TBC1D22A: variants seen among roughly 807,000 people sequenced by gnomAD.
TBC1D22A encodes putative GTPase activator.
Under a neutral mutation model 60.2 loss-of-function variants are expected in TBC1D22A, and 38 were observed. That is an observed-to-expected ratio of 0.63 (90% CI 0.49 to 0.83). The LOEUF (loss-of-function observed/expected upper bound fraction) is 0.83. TBC1D22A is among the 40% of genes least tolerant of loss of function. The pLI is 0.00. For missense variants in TBC1D22A, 628 were observed against 701.0 expected (o/e 0.90, Z 1.18); for synonymous variants, 302 against 281.7 (o/e 1.07, Z -0.72).
chr22:47,129,360 C>T (rs1168508752), intron 12 of TBC1D22A, among the ~76,000 whole-genome samples: 1 of 152,166 alleles, frequency 6.6e-6, no homozygotes, highest in Non-Finnish European at 1.5e-5. Flanking sequence ...GCCTGTAATC[C>T]CAGCTACTTG....
Position 46,974,319 on chromosome 22 carries a change from T to C in TBC1D22A, c.1045T>C (p.Ser349Pro), listed in dbSNP as rs1332640033. 1.2e-6 allele frequency: 2 copies of C among 1,603,766 alleles called. No individual in the cohort carries two copies. Residue 349 changes from serine to proline, a missense_variant, in exon 9 of 13, where the codon TCC (serine) becomes CCC (proline). Ser to Pro is a moderately conservative substitution (Grantham distance 74). Coordinates refer to ENST00000337137, the MANE Select transcript of TBC1D22A (RefSeq NM_014346.5). Reference protein sequence around the residue: ...EAEEVDTVDVSGVPAEVLCNI... With the variant: ...EAEEVDTVDVPGVPAEVLCNI... ...AGAGGAGGTGGACACGGTGGACGTC[T>C]CCGGCGTGCCCGCAGAGGTGCTGTG...
chr22:46,832,696 A>C (rs2086363258), intron 4 of TBC1D22A, among the ~76,000 whole-genome samples: 1 of 152,262 alleles, frequency 6.6e-6, no homozygotes, highest in Non-Finnish European at 1.5e-5. Context: ...TATTTTAATA[A>C]AAATATGTAA....
At chr22:46,885,654 A>G (rs1487169347) in intron 5 of TBC1D22A, among the ~76,000 whole-genome samples, 1 of 152,116 alleles carries the variant, frequency 6.6e-6, no homozygotes, top group East Asian at 1.9e-4. Flanking sequence ...TTGAAGTAGA[A>G]GCTTGTTTCA....
chr22:47,020,021 G>A (rs145008325), intron 10 of TBC1D22A, among the ~76,000 whole-genome samples: 2,023 of 135,632 alleles, frequency 0.015, 20 homozygotes, highest in Middle Eastern at 0.036. Flanking sequence ...ATCCTTCCCC[G>A]CTGCCTTGAT....
chr22:46,986,969 C>G (rs1000285748), intron 9 of TBC1D22A, among the ~76,000 whole-genome samples: 2 of 152,192 alleles, frequency 1.3e-5, no homozygotes, highest in Non-Finnish European at 2.9e-5. Flanking sequence ...CTACGTGACT[C>G]TAAGAGTAGG....
intron 1 of TBC1D22A, chr22:46,774,008 A>G (rs866759679): frequency 3.0e-6 from 3 of 985,534 alleles, no homozygotes; most frequent in South Asian, 4.7e-5. Context: ...TGAAATTATT[A>G]CAGAGAAAGC....
intron 8 of TBC1D22A, chr22:46,915,642 A>G (rs1441802777): frequency 8.8e-6 from 4 of 456,552 alleles, no homozygotes; most frequent in African/African-American, 4.0e-5. Flanking sequence ...TCAAAGGTTT[A>G]AGAAATCCCC....
intron 9 of TBC1D22A, among the ~76,000 whole-genome samples, chr22:46,986,782 A>G (rs1316057481): frequency 1.3e-5 from 2 of 152,054 alleles, no homozygotes; most frequent in African/African-American, 4.8e-5. Context: ...ATAACAAATG[A>G]CTCCCAAACC....
At chr22:47,050,751 C>A (rs1046393643) in intron 11 of TBC1D22A, among the ~76,000 whole-genome samples, 1 of 151,602 alleles carries the variant, frequency 6.6e-6, no homozygotes. Context: ...GAGGGCAGAA[C>A]CTTGGGGTGG....
At chr22:46,903,622 G>A (rs1239428107) in intron 7 of TBC1D22A, among the ~76,000 whole-genome samples, 1 of 152,164 alleles carries the variant, frequency 6.6e-6, no homozygotes, top group African/African-American at 2.4e-5. Context: ...GAGTCTGAGA[G>A]GCCCCCTCAA....
intron 2 of TBC1D22A, chr22:46,792,938 T>C: frequency 1.7e-6 from 2 of 1,198,222 alleles, no homozygotes; most frequent in South Asian, 1.8e-5. Context: ...AGCCCGGCCC[T>C]GGCCTGTCCT....
At chr22:46,901,893 A>G (rs577843382) in intron 7 of TBC1D22A, among the ~76,000 whole-genome samples, 65 of 152,358 alleles carry the variant, frequency 4.3e-4, no homozygotes, top group African/African-American at 1.5e-3. Context: ...GTGATGTCAC[A>G]TTGCTGATGC....
chr22:46,764,863 G>A (rs2083231504), intron 1 of TBC1D22A, among the ~76,000 whole-genome samples: 1 of 152,212 alleles, frequency 6.6e-6, no homozygotes, highest in African/African-American at 2.4e-5. Context: ...TTGACAGAGA[G>A]CATGGCCCTG....
At chr22:46,844,785 C>A (rs547997289) in intron 4 of TBC1D22A, among the ~76,000 whole-genome samples, 1 of 152,168 alleles carries the variant, frequency 6.6e-6, no homozygotes, top group Non-Finnish European at 1.5e-5. Flanking sequence ...GTGAGGCTGG[C>A]CTGGACGTCT....
At chr22:47,097,196 C>T (rs138243247) in intron 11 of TBC1D22A, among the ~76,000 whole-genome samples, 48 of 70,208 alleles carry the variant, frequency 6.8e-4, no homozygotes, top group African/African-American at 3.4e-3. Context: ...ATACAGTCTT[C>T]ACCTTGTCGT....
In TBC1D22A at chr22:46,918,703, A is replaced by G. The variant is rs17222027; in HGVS notation, c.1015+6515A>G. Among the ~76,000 whole-genome samples, 82 of 152,320 alleles carry G rather than the reference A, an allele frequency of 5.4e-4. 3 individuals carry two copies. The East Asian group carries it at 0.015, about 27-fold the overall frequency. On this transcript the variant is annotated intron_variant, in intron 8 of 12. Transcript: ENST00000337137. ...AGCGACCTGCCAAATCTGGCTGAAGAATAGTGGCAAGCAAACTGTCACATC... is the reference window on the plus strand; with the variant it reads ...AGCGACCTGCCAAATCTGGCTGAAGGATAGTGGCAAGCAAACTGTCACATC...
chr22:46,844,927 T>G (rs2029875976), intron 4 of TBC1D22A, among the ~76,000 whole-genome samples: 1 of 152,154 alleles, frequency 6.6e-6, no homozygotes, highest in African/African-American at 2.4e-5. Context: ...AAAAGTCCTG[T>G]GCCATAGTCA....
At chr22:47,017,379 C>T (rs371740282) in intron 10 of TBC1D22A, among the ~76,000 whole-genome samples, 2 of 152,168 alleles carry the variant, frequency 1.3e-5, no homozygotes, top group African/African-American at 2.4e-5. Context: ...GGTGAGGGGT[C>T]GCCTTCTTCT....
At chr22:46,921,431 A>G (rs929675136) in intron 8 of TBC1D22A, among the ~76,000 whole-genome samples, 1 of 152,184 alleles carries the variant, frequency 6.6e-6, no homozygotes, top group African/African-American at 2.4e-5. Flanking sequence ...GTTCTTTTTT[A>G]TAGCTGAATA....
Sources: allele counts gnomAD v4.1 joint callset (sites outside exome capture counted in the v4.1 genomes callset), GRCh38; gene constraint gnomAD v4.1.1; transcripts MANE v1.5; gene names NCBI Gene and HGNC (gene_info 2026-07-23, HGNC 2026-07-21).